The following DZIP3 variants were observed in gnomAD, a reference collection of about 807,000 sequenced individuals.
The protein encoded by DZIP3 is DAZ interacting zinc finger protein 3, also known as E3 ubiquitin-protein ligase DZIP3.
A neutral mutation model predicts 162.0 loss-of-function variants in DZIP3; 118 were observed. The ratio of observed to expected loss-of-function variants is 0.73; its 90% CI spans 0.63 to 0.85. The LOEUF (loss-of-function observed/expected upper bound fraction) is 0.85. Among genes scored for constraint, DZIP3 ranks in the 40% least tolerant of loss-of-function variants. DZIP3 has a pLI of 0.00. For missense variants in DZIP3, 1,331 were observed against 1,407.0 expected, an observed-to-expected ratio of 0.95 and a Z score of 0.86; for synonymous variants, 438 against 458.6, an observed-to-expected ratio of 0.96 and a Z score of 0.57.
intron 3 of DZIP3, among the ~76,000 whole-genome samples, chr3:108,610,809 A>T (rs906448533): frequency 2.0e-5 from 3 of 152,232 alleles, no homozygotes; most frequent in African/African-American, 7.2e-5. Context: ...CTATTTATAC[A>T]GCTCTGACTG....
chr3:108,635,623 TATA>T (rs1942109907), intron 10 of DZIP3, among the ~76,000 whole-genome samples: 1 of 117,042 alleles, frequency 8.5e-6, no homozygotes, highest in Admixed American at 9.7e-5. Flanking sequence ...ATATAACTTA[TATA>T]ATTATATAAG....
At chr3:108,689,879 AAAT>A (rs1168258003) in intron 31 of DZIP3, among the ~76,000 whole-genome samples, 2 of 152,202 alleles carry the variant, frequency 1.3e-5, no homozygotes, top group Admixed American at 1.3e-4. Context: ...TCAGGGAAGT[AAAT>A]AATAGCCAGT....
At position 108,692,328 on chromosome 3, in the gene DZIP3, T is replaced by G. The variant is rs1300100900; in HGVS notation, c.*7-1032T>G. On this transcript the variant is annotated intron_variant, in intron 32 of 32. Transcript: ENST00000361582. ...CAGGAGGCAGTACTCAATCCTACTT[T>G]CTTCTCTACAGCTTCCCATGGGCTA... 3.9e-5 allele frequency among the ~76,000 whole-genome samples: 6 copies of G among 152,258 alleles called. No homozygotes were observed. The South Asian group carries it at 1.2e-3, about 32-fold the overall frequency.
intron 10 of DZIP3, among the ~76,000 whole-genome samples, chr3:108,635,633 TA>T (rs34182356): frequency 0.25 from 33,650 of 137,268 alleles, 4,535 homozygotes; most frequent in Middle Eastern, 0.32. Flanking sequence ...TATAATTATA[TA>T]AGTTATATAT....
chr3:108,605,628 G>T (rs145556004), intron 2 of DZIP3, among the ~76,000 whole-genome samples, 190 bp downstream of exon 2: 2,111 of 152,280 alleles, frequency 0.014, 53 homozygotes, highest in African/African-American at 0.049. Context: ...AATAGAGTTT[G>T]CACTCCTATG....
At chr3:108,626,990 T>C (rs532038538) in intron 7 of DZIP3, among the ~76,000 whole-genome samples, 28 of 152,338 alleles carry the variant, frequency 1.8e-4, no homozygotes, top group Admixed American at 9.8e-4. Flanking sequence ...CTTTGTAAGG[T>C]TGATATCCTA....
chr3:108,664,964 C>T (rs1157350880), intron 21 of DZIP3, among the ~76,000 whole-genome samples: 1 of 152,140 alleles, frequency 6.6e-6, no homozygotes, highest in African/African-American at 2.4e-5. Context: ...CAAAGCCATG[C>T]ATACACACCT....
rs142354145 is a variant in DZIP3, at chr3:108,680,925, C to T, written c.2884-3291C>T. On this transcript the variant is annotated intron_variant, in intron 26 of 32. Coordinates refer to ENST00000361582, the MANE Select transcript of DZIP3 (RefSeq NM_014648.4). ...TTTGCAGCAAAAACTGGAACCCTTCCTTACACCTTATACAAAAATCAACTC... is the reference window on the plus strand; with the variant it reads ...TTTGCAGCAAAAACTGGAACCCTTCTTTACACCTTATACAAAAATCAACTC... 6.7e-3 allele frequency among the ~76,000 whole-genome samples: 1,024 copies of T among 152,254 alleles called. 12 individuals carry two copies. Among genetic ancestry groups the T allele is most frequent in the African/African-American group, 0.024 (978 of 41,548 alleles).
rs927656496 is a variant in DZIP3, at chr3:108,608,110, G to A, written c.54G>A (p.Gln18=). Reference sequence around the variant, plus strand: ...ATAGGCATCCTGCTGTGGAGGATCAGAGGAAGGAAGAAACTGAGAATAAGC... The same window carrying A: ...ATAGGCATCCTGCTGTGGAGGATCAAAGGAAGGAAGAAACTGAGAATAAGC... ...FFVRHPAVED[Q]RKEETENKLE... The change falls in exon 3 of 33, where the codon CAG becomes CAA. Residue 18 remains glutamine (Q), a synonymous_variant. Coordinates refer to ENST00000361582, the MANE Select transcript of DZIP3 (RefSeq NM_014648.4). The A allele has an allele frequency of 3.7e-6, 6 of 1,613,102 alleles. No homozygotes were observed. The highest frequency in any genetic ancestry group is 5.1e-6 in the Non-Finnish European group (6 of 1,179,486).
At position 108,675,772 on chromosome 3, in the gene DZIP3, C is replaced by G; in HGVS notation, c.2694-14C>G. On this transcript the variant is annotated splice_polypyrimidine_tract_variant and intron_variant, in intron 24 of 32. Coordinates refer to ENST00000361582, the MANE Select transcript of DZIP3 (RefSeq NM_014648.4). ...AAGAAAGAGTTTTCTTTTGTGTCTC[C>G]TTTTCTACAACAGCAACCTAGAATC... 2 of 1,589,054 alleles carry G rather than the reference C, an allele frequency of 1.3e-6. No homozygotes were observed. The highest frequency in any genetic ancestry group is 1.7e-6 in the Non-Finnish European group (2 of 1,171,978).
intron 10 of DZIP3, among the ~76,000 whole-genome samples, chr3:108,636,111 T>C (rs1942136174): frequency 6.6e-6 from 1 of 151,978 alleles, no homozygotes; most frequent in South Asian, 2.1e-4. Context: ...AAGATTTACT[T>C]ATTCATTTTT....
intron 4 of DZIP3, among the ~76,000 whole-genome samples, chr3:108,611,848 C>T (rs962976223): frequency 6.6e-5 from 10 of 151,840 alleles, no homozygotes; most frequent in African/African-American, 1.2e-4. Context: ...GCCTGTGGTC[C>T]CAGCTACTTG....
At chr3:108,644,121 G>T in intron 13 of DZIP3, 43 bp from the exon 14 acceptor site, 7 of 1,537,790 alleles carry the variant, frequency 4.6e-6, no homozygotes, top group Non-Finnish European at 6.1e-6. Flanking sequence ...TAGAAAATGA[G>T]CATTAATGTG....
chr3:108,639,278 A>G (rs1942286736), intron 12 of DZIP3, among the ~76,000 whole-genome samples: 1 of 152,258 alleles, frequency 6.6e-6, no homozygotes, highest in Non-Finnish European at 1.5e-5. Context: ...ACATAGCATA[A>G]TATCTGGCAC....
chr3:108,644,217 A>G lies in DZIP3; in HGVS notation c.1195A>G (p.Ile399Val), dbSNP rs773433267. 6 of 1,611,630 alleles carry G rather than the reference A, an allele frequency of 3.7e-6. No homozygotes were observed. In the East Asian group the frequency reaches 6.7e-5, roughly 18 times the overall value. The change falls in exon 14 of 33, where the codon ATA becomes GTA. Residue 399 changes from isoleucine to valine, a missense_variant. Ile to Val is a conservative substitution (Grantham distance 29, BLOSUM62 3). This residue lies in a region of DZIP3 where 1,278 missense variants were observed against 1,317.1 expected (regional missense o/e 0.97). Coordinates refer to ENST00000361582, the MANE Select transcript of DZIP3 (RefSeq NM_014648.4). The part of the protein sequence containing the change: ...DYNYFYHLLH[I>V]IIISGTDIVR... The stretch of plus-strand genomic sequence containing the variant: ...TAATTATTTCTATCATCTGCTTCAT[A>G]TAATTATTATTTCTGGTACTGACAT...
intron 5 of DZIP3, among the ~76,000 whole-genome samples, chr3:108,618,374 A>T (rs1457828330): frequency 6.6e-6 from 1 of 152,176 alleles, no homozygotes; most frequent in East Asian, 1.9e-4. Flanking sequence ...AATAGCTCAC[A>T]CTTCTTTAGT....
intron 22 of DZIP3, among the ~76,000 whole-genome samples, chr3:108,671,491 A>G (rs1943925174): frequency 6.6e-6 from 1 of 151,938 alleles, no homozygotes; most frequent in South Asian, 2.1e-4. Context: ...GGAACCTCAT[A>G]GGTAACCATT....
At chr3:108,602,644 T>C (rs1364506151) in intron 1 of DZIP3, among the ~76,000 whole-genome samples, 1 of 152,178 alleles carries the variant, frequency 6.6e-6, no homozygotes, top group East Asian at 1.9e-4. Context: ...TTTTCCTTCA[T>C]GTTAACGCTT....
At chr3:108,631,055 A>ACACACACACATACACACT in intron 8 of DZIP3, among the ~76,000 whole-genome samples, 2 of 18,006 alleles carry the variant, frequency 1.1e-4, no homozygotes, top group African/African-American at 5.6e-4. Flanking sequence ...ACACACACAC[A>ACACACACACATACACACT]CTCTCTCTCT....
Sources: gnomAD v4.1 joint callset for allele counts (sites outside exome capture counted in the v4.1 genomes callset) on GRCh38, gnomAD v4.1.1 for gene constraint, gnomAD v4.1.1 regional missense constraint, MANE v1.5 for transcripts, NCBI Gene and HGNC (gene_info 2026-07-23, HGNC 2026-07-21) for gene names.